The following STXBP5L variants were observed in gnomAD, a reference collection of about 807,000 sequenced individuals.
STXBP5L encodes the protein syntaxin-binding protein 5-like.
STXBP5L carries 65 observed loss-of-function variants against 144.5 expected under a neutral mutation model. The ratio of observed to expected loss-of-function variants is 0.45; its 90% CI spans 0.37 to 0.55. The LOEUF (loss-of-function observed/expected upper bound fraction) is 0.55. STXBP5L is among the 20% of genes least tolerant of loss of function. STXBP5L has a pLI of 0.00. For missense variants in STXBP5L, 1,298 were observed against 1,405.5 expected, an observed-to-expected ratio of 0.92 and a Z score of 1.22; for synonymous variants, 505 against 469.6, an observed-to-expected ratio of 1.08 and a Z score of -0.97.
chr3:121,355,052 A>G (rs2045452789), intron 20 of STXBP5L, among the ~76,000 whole-genome samples: 1 of 152,156 alleles, frequency 6.6e-6, no homozygotes, highest in African/African-American at 2.4e-5. Context: ...CTGCCAAGAG[A>G]TCCGCTGTTA....
chr3:121,350,251 G>A (rs1384374239), intron 20 of STXBP5L, among the ~76,000 whole-genome samples: 3 of 152,140 alleles, frequency 2.0e-5, no homozygotes, highest in Non-Finnish European at 4.4e-5. Context: ...GTTCTGGGTT[G>A]AAAATTCTTT....
intron 2 of STXBP5L, among the ~76,000 whole-genome samples, chr3:120,940,646 A>G (rs568894730): frequency 5.4e-4 from 82 of 151,520 alleles, no homozygotes; most frequent in African/African-American, 1.9e-3. Context: ...GGAAAAAAAA[A>G]AACAGTGGAA....
At chr3:121,402,078 T>C (rs1478092335) in intron 22 of STXBP5L, among the ~76,000 whole-genome samples, 2 of 152,278 alleles carry the variant, frequency 1.3e-5, no homozygotes, top group African/African-American at 4.8e-5. Flanking sequence ...CATTTTGTGC[T>C]AGGCCCACAA....
intron 5 of STXBP5L, among the ~76,000 whole-genome samples, chr3:121,093,682 G>A (rs2042951507): frequency 6.6e-6 from 1 of 151,554 alleles, no homozygotes; most frequent in Admixed American, 6.6e-5. Context: ...TATTAGTCTT[G>A]CTAGCCGTCT....
chr3:120,970,225 T>C (rs1301291959), intron 3 of STXBP5L, among the ~76,000 whole-genome samples: 2 of 152,164 alleles, frequency 1.3e-5, no homozygotes, highest in Non-Finnish European at 2.9e-5. Flanking sequence ...ATGGCTTACT[T>C]ATTCAAATTA....
At chr3:121,374,091 G>T (rs1008473547) in intron 20 of STXBP5L, among the ~76,000 whole-genome samples, 1 of 152,004 alleles carries the variant, frequency 6.6e-6, no homozygotes, top group Non-Finnish European at 1.5e-5. Flanking sequence ...CCACCAAGAG[G>T]CCTGAGGACC....
rs894604474 is a variant in STXBP5L at position 121,026,117 on chromosome 3, C to A, written c.288-15583C>A. Among the ~76,000 whole-genome samples the A allele has an allele frequency of 2.0e-5, 3 of 150,218 alleles. No individual in the cohort carries two copies. The Admixed American group carries it at 2.0e-4, about 10-fold the overall frequency. ...AAAAGCCTTCAGTGACTTTTCATTA[C>A]ATCTAAAATAAAATTCAAATGTATC... On this transcript the variant is annotated intron_variant, in intron 3 of 26. Coordinates refer to ENST00000471454, the MANE Select transcript of STXBP5L (RefSeq NM_001308330.2).
intron 20 of STXBP5L, among the ~76,000 whole-genome samples, chr3:121,355,636 T>C (rs2045480689): frequency 6.6e-6 from 1 of 152,182 alleles, no homozygotes; most frequent in South Asian, 2.1e-4. Flanking sequence ...TCTAACCTGC[T>C]CCTTTAGCTC....
Position 121,095,070 on chromosome 3 carries a change from T to C in STXBP5L, c.471-19855T>C, listed in dbSNP as rs2043042145. 2.0e-5 allele frequency among the ~76,000 whole-genome samples: 3 copies of C among 152,204 alleles called. No homozygotes were observed. The South Asian group carries it at 6.2e-4, about 31-fold the overall frequency. On this transcript the variant is annotated intron_variant, in intron 5 of 26. Coordinates refer to ENST00000471454, the MANE Select transcript of STXBP5L (RefSeq NM_001308330.2). ...AAGCTTAGTTTGGCTGGATATGAAA[T>C]TCTGGGTTGAAAATTCTTTTCTTTA...
chr3:121,014,840 G>A (rs1945030308), intron 3 of STXBP5L, among the ~76,000 whole-genome samples: 1 of 151,800 alleles, frequency 6.6e-6, no homozygotes, highest in Non-Finnish European at 1.5e-5. Flanking sequence ...CAAGATTACA[G>A]AAACAAATAT....
At chr3:121,241,357 T>G (rs1241635502) in intron 14 of STXBP5L, among the ~76,000 whole-genome samples, 1 of 143,016 alleles carries the variant, frequency 7.0e-6, no homozygotes, top group East Asian at 2.1e-4. Flanking sequence ...TACTTAGGTT[T>G]AACAACAACA....
chr3:121,214,961 T>C (rs2048720571), intron 10 of STXBP5L, among the ~76,000 whole-genome samples: 1 of 152,224 alleles, frequency 6.6e-6, no homozygotes, highest in African/African-American at 2.4e-5. Context: ...CATTATGTAA[T>C]GCCCTTGTTT....
intron 2 of STXBP5L, among the ~76,000 whole-genome samples, chr3:120,949,514 T>C (rs572992400): frequency 6.6e-6 from 1 of 151,916 alleles, no homozygotes; most frequent in South Asian, 2.1e-4. Flanking sequence ...GAAGAGTTTT[T>C]CCAATGTTAT....
chr3:121,006,893 C>T (rs758723670), intron 3 of STXBP5L, among the ~76,000 whole-genome samples: 1 of 152,168 alleles, frequency 6.6e-6, no homozygotes, highest in East Asian at 1.9e-4. Context: ...TCTCTTCTGG[C>T]TTGTAGAGTT....
rs552982299 is a variant in STXBP5L, at chr3:121,216,711, T to G, written c.957-6292T>G. Reference sequence around the variant, plus strand: ...CTGTCCCTTAGCAGAGCTCGAGCACTGTGCTGGGAGATCTGCTGCTCTCTT... The same window carrying G: ...CTGTCCCTTAGCAGAGCTCGAGCACGGTGCTGGGAGATCTGCTGCTCTCTT... On this transcript the variant is annotated intron_variant, in intron 10 of 26. Transcript: ENST00000471454. 8.5e-5 allele frequency among the ~76,000 whole-genome samples: 13 copies of G among 152,356 alleles called. No individual in the cohort carries two copies. The South Asian group carries it at 2.1e-3, about 24-fold the overall frequency.
intron 3 of STXBP5L, among the ~76,000 whole-genome samples, chr3:120,968,142 T>C (rs1160351248): frequency 6.6e-6 from 1 of 152,190 alleles, no homozygotes; most frequent in Non-Finnish European, 1.5e-5. Context: ...AGTTTAGCTC[T>C]GATGTTTCTT....
chr3:121,343,974 C>T (rs1306502512), intron 20 of STXBP5L, among the ~76,000 whole-genome samples: 1 of 152,106 alleles, frequency 6.6e-6, no homozygotes. Flanking sequence ...AAGCTGGAGG[C>T]ATCAAGCTAC....
intron 7 of STXBP5L, among the ~76,000 whole-genome samples, chr3:121,122,241 A>T (rs1041983493): frequency 2.5e-4 from 37 of 150,226 alleles, no homozygotes; most frequent in African/African-American, 9.0e-4. Flanking sequence ...TAATATTAAT[A>T]AATTATTTAG....
chr3:121,137,429 CT>C (rs1250565243), intron 7 of STXBP5L, among the ~76,000 whole-genome samples: 1 of 151,914 alleles, frequency 6.6e-6, no homozygotes, highest in Admixed American at 6.6e-5. Flanking sequence ...ATTGGAAAGC[CT>C]AGAAGAAATA....
Sources: gnomAD v4.1 joint callset for allele counts (sites outside exome capture counted in the v4.1 genomes callset) on GRCh38, gnomAD v4.1.1 for gene constraint, MANE v1.5 for transcripts, NCBI Gene and HGNC (gene_info 2026-07-23, HGNC 2026-07-21) for gene names.